The following CAMTA1 variants were observed in gnomAD, a reference collection of about 807,000 sequenced individuals.
CAMTA1 encodes the protein calmodulin binding transcription activator 1, also known as calmodulin-binding transcription activator 1.
Under a neutral mutation model 170.9 loss-of-function variants are expected in CAMTA1, and 27 were observed. The ratio of observed to expected loss-of-function variants is 0.16; its 90% CI spans 0.12 to 0.22. The LOEUF (loss-of-function observed/expected upper bound fraction) is 0.22, where lower values mean the gene tolerates loss of function less well. CAMTA1 is among the 10% of genes least tolerant of loss of function. CAMTA1 has a pLI of 1.00. For synonymous variants in CAMTA1, 833 were observed against 891.5 expected, an observed-to-expected ratio of 0.93 and a Z score of 1.17; for missense variants, 1,619 against 2,217.2, an observed-to-expected ratio of 0.73 and a Z score of 5.42.
chr1:7,370,394 A>C (rs1019261941), intron 5 of CAMTA1: 2 of 152,224 alleles, frequency 1.3e-5, no homozygotes, highest in Non-Finnish European at 2.9e-5. Flanking sequence ...ATAGTGCAGA[A>C]CGTTTTTCTG....
intron 4 of CAMTA1, among the ~76,000 whole-genome samples, chr1:7,169,310 T>C (rs1285450086): frequency 6.6e-6 from 1 of 152,216 alleles, no homozygotes; most frequent in African/African-American, 2.4e-5. Flanking sequence ...GGAATAATTA[T>C]GCTGTGGAAT....
intron 22 of CAMTA1, among the ~76,000 whole-genome samples, chr1:7,766,098 A>T (rs911645499): frequency 2.0e-5 from 3 of 152,050 alleles, no homozygotes; most frequent in Non-Finnish European, 2.9e-5. Flanking sequence ...GAGTGATAGG[A>T]CATTAATGGT....
Position 7,455,989 on chromosome 1 carries a change from T to C in CAMTA1, c.439-11841T>C, listed in dbSNP as rs1417468388. Among the ~76,000 whole-genome samples the C allele has an allele frequency of 1.3e-5, 2 of 152,160 alleles. No individual in the cohort carries two copies. Among genetic ancestry groups the C allele is most frequent in the Non-Finnish European group, 2.9e-5 (2 of 68,014 alleles). On this transcript the variant is annotated intron_variant, in intron 5 of 22. Coordinates refer to ENST00000303635, the MANE Select transcript of CAMTA1 (RefSeq NM_015215.4). This position sits in a 1 kb window ranked among gnomAD's most constrained non-coding sequence, Gnocchi z 5.0. ...TTACCAAGGCTCAGGGTCCCACCGTTGGTCATCCCTGAGGCTGAAATACAC... is the reference window on the plus strand; with the variant it reads ...TTACCAAGGCTCAGGGTCCCACCGTCGGTCATCCCTGAGGCTGAAATACAC...
In CAMTA1 at chr1:6,971,279, ACGCCT is replaced by A. The variant is rs1195916651; in HGVS notation, c.235-120023_235-120019del. On this transcript the variant is annotated intron_variant, in intron 3 of 22. Coordinates refer to ENST00000303635, the MANE Select transcript of CAMTA1 (RefSeq NM_015215.4). This position sits in a 1 kb window ranked among gnomAD's most constrained non-coding sequence, Gnocchi z 4.6. ...TCTGGGAGTGGGAGTATTTATAGCA[ACGCCT>A]CTTTTGCTGGAGTGTTGAACTTTCT... Among the ~76,000 whole-genome samples the A allele has an allele frequency of 6.6e-6, 1 of 152,184 alleles. No homozygotes were observed. The highest frequency in any genetic ancestry group is 1.5e-5 in the Non-Finnish European group (1 of 68,038).
intron 5 of CAMTA1, among the ~76,000 whole-genome samples, chr1:7,454,935 A>T (rs958137518): frequency 6.6e-6 from 1 of 152,038 alleles, no homozygotes; most frequent in Non-Finnish European, 1.5e-5. Flanking sequence ...TTGAAGTCTC[A>T]CCATTACTAT....
intron 3 of CAMTA1, among the ~76,000 whole-genome samples, chr1:7,013,106 C>T (rs1235417362): frequency 1.3e-5 from 2 of 151,938 alleles, no homozygotes; most frequent in African/African-American, 2.4e-5. Context: ...AAAACACACT[C>T]GTCCCTCATT....
In CAMTA1 at chr1:7,162,997, C is replaced by T. The variant is rs143276850; in HGVS notation, c.302+71626C>T. Among the ~76,000 whole-genome samples, 260 of 151,848 alleles carry T rather than the reference C, an allele frequency of 1.7e-3. 1 individual carries two copies. Among genetic ancestry groups the T allele is most frequent in the African/African-American group, 5.9e-3 (244 of 41,430 alleles). ...TGGAAAATAGATTGTAGGCAGCAAGCGGGGAGGCAGGAGGACCTGTGAGGC... is the reference window on the plus strand; with the variant it reads ...TGGAAAATAGATTGTAGGCAGCAAGTGGGGAGGCAGGAGGACCTGTGAGGC... On this transcript the variant is annotated intron_variant, in intron 4 of 22. Coordinates refer to ENST00000303635, the MANE Select transcript of CAMTA1 (RefSeq NM_015215.4).
chr1:7,436,828 GC>G (rs1384684946), intron 5 of CAMTA1, among the ~76,000 whole-genome samples: 1 of 152,214 alleles, frequency 6.6e-6, no homozygotes, highest in African/African-American at 2.4e-5. Context: ...TAGAATGCAG[GC>G]TGTGGCTGGG....
chr1:7,735,149 A>G lies in CAMTA1; in HGVS notation c.3067-1195A>G, dbSNP rs138903462. On this transcript the variant is annotated intron_variant, in intron 12 of 22. Transcript: ENST00000303635. ...AAGGACTGGATTATTGGATACTTCT[A>G]GTCATTTCTTTAAGGAAAAAACAGT... is the stretch of plus-strand genomic sequence containing the variant. Among the ~76,000 whole-genome samples, 326 of 152,282 alleles carry G rather than the reference A, an allele frequency of 2.1e-3. 3 individuals carry two copies. Among genetic ancestry groups the G allele is most frequent in the African/African-American group, 7.3e-3 (305 of 41,560 alleles).
intron 3 of CAMTA1, among the ~76,000 whole-genome samples, chr1:7,086,966 T>C (rs1002532058): frequency 1.3e-5 from 2 of 152,110 alleles, no homozygotes; most frequent in African/African-American, 4.8e-5. Flanking sequence ...GCCAGACTTG[T>C]GTTTGAGGGG....
intron 1 of CAMTA1, among the ~76,000 whole-genome samples, chr1:6,791,112 CTTTT>C (rs35656164): frequency 7.7e-6 from 1 of 129,120 alleles, no homozygotes; most frequent in Non-Finnish European, 1.6e-5. Flanking sequence ...GTACCCTGTC[CTTTT>C]TTTTTTTTTT....
chr1:7,158,180 G>A (rs527346784), intron 4 of CAMTA1, among the ~76,000 whole-genome samples: 102 of 152,156 alleles, frequency 6.7e-4, no homozygotes, highest in African/African-American at 2.2e-3. Flanking sequence ...ACCAAAACAC[G>A]TTTTGGATAC....
In CAMTA1 at chr1:7,676,001, T is replaced by TC. The variant is rs904193079; in HGVS notation, c.2780-1591dup. Reference sequence around the variant, plus strand: ...AGAGCAGCAGCAGTTGAAGAGGCCATCCCCCCCGACCCCAAGCTGGGACAC... The same window carrying TC: ...AGAGCAGCAGCAGTTGAAGAGGCCATCCCCCCCCGACCCCAAGCTGGGACAC... On this transcript the variant is annotated intron_variant, in intron 10 of 22. Coordinates refer to ENST00000303635, the MANE Select transcript of CAMTA1 (RefSeq NM_015215.4). Among the ~76,000 whole-genome samples, 5 of 152,030 alleles carry TC rather than the reference T, an allele frequency of 3.3e-5. No homozygotes were observed. In the East Asian group the frequency reaches 9.7e-4, roughly 29 times the overall value.
intron 6 of CAMTA1, among the ~76,000 whole-genome samples, chr1:7,520,649 C>T: frequency 6.6e-6 from 1 of 152,030 alleles, no homozygotes; most frequent in Non-Finnish European, 1.5e-5. Flanking sequence ...GGGCACCCAG[C>T]TGGGGAGCAC....
At chr1:6,855,517 C>G (rs1193243502) in intron 3 of CAMTA1, among the ~76,000 whole-genome samples, 1 of 151,732 alleles carries the variant, frequency 6.6e-6, no homozygotes, top group East Asian at 2.0e-4. Context: ...GTCGGATCTC[C>G]TGAGAACTCA....
chr1:7,447,981 C>T (rs1486347799), intron 5 of CAMTA1, among the ~76,000 whole-genome samples: 3 of 152,368 alleles, frequency 2.0e-5, no homozygotes, highest in Non-Finnish European at 2.9e-5. Flanking sequence ...TGCTCTGAAG[C>T]AGGCTGTCCA....
At chr1:6,953,293 A>G (rs908853785) in intron 3 of CAMTA1, among the ~76,000 whole-genome samples, 6 of 152,170 alleles carry the variant, frequency 3.9e-5, no homozygotes, top group Admixed American at 1.3e-4. Context: ...TTCACCATGC[A>G]TGTCCCTGGC....
chr1:7,712,727 A>G (rs533407090), intron 11 of CAMTA1, among the ~76,000 whole-genome samples: 3 of 152,352 alleles, frequency 2.0e-5, no homozygotes, highest in African/African-American at 4.8e-5. Flanking sequence ...TCATGCTGCT[A>G]TGAGGAAATA....
chr1:7,231,327 A>ATGTGTGTGTGTGTGTGTGTG lies in CAMTA1; in HGVS notation c.303-18159_303-18140dup, dbSNP rs745744631. Among the ~76,000 whole-genome samples the ATGTGTGTGTGTGTGTGTGTG allele has an allele frequency of 2.9e-3, 418 of 141,976 alleles. 3 individuals carry two copies. Among genetic ancestry groups the ATGTGTGTGTGTGTGTGTGTG allele is most frequent in the Non-Finnish European group, 4.6e-3 (305 of 66,024 alleles). 93.1% of individuals were successfully genotyped at this position (141,976 alleles called of 152,430 possible). A position where few individuals can be genotyped will look rare whatever the true frequency, so the allele number is the denominator to read the frequency against. On this transcript the variant is annotated intron_variant, in intron 4 of 22. Coordinates refer to ENST00000303635, the MANE Select transcript of CAMTA1 (RefSeq NM_015215.4). ...CCAGCATTCATCACATACTGGCTTA[A>ATGTGTGTGTGTGTGTGTGTG]TGTGTGTGTGTGTGTGTGTGTGTGA...
Sources: gnomAD v4.1 joint callset for allele counts (sites outside exome capture counted in the v4.1 genomes callset) on GRCh38, gnomAD v4.1.1 for gene constraint, Gnocchi (gnomAD v3.1) non-coding constraint, MANE v1.5 for transcripts, NCBI Gene and HGNC (gene_info 2026-07-23, HGNC 2026-07-21) for gene names.